The following BBX variants were observed in gnomAD, a reference collection of about 807,000 sequenced individuals.
BBX encodes HMG box transcription factor BBX.
In BBX, 30 loss-of-function variants were observed where a neutral mutation model predicts 100.2. The ratio of observed to expected loss-of-function variants is 0.30; its 90% CI spans 0.22 to 0.41. The LOEUF (loss-of-function observed/expected upper bound fraction) is 0.41, where lower values mean the gene tolerates loss of function less well. Ranked by LOEUF, BBX falls within the 10% of genes least tolerant of loss-of-function variation. BBX has a pLI of 1.00. For missense variants in BBX, 1,023 were observed against 1,129.8 expected, an observed-to-expected ratio of 0.91 and a Z score of 1.35; for synonymous variants, 376 against 388.1, an observed-to-expected ratio of 0.97 and a Z score of 0.37.
intron 2 of BBX, among the ~76,000 whole-genome samples, chr3:107,548,430 G>A (rs2049401167): frequency 6.6e-6 from 1 of 152,156 alleles, no homozygotes. Context: ...AAAAACAGAT[G>A]CAGAAAACAT....
intron 3 of BBX, among the ~76,000 whole-genome samples, chr3:107,686,274 T>C (rs1296618290): frequency 6.6e-6 from 1 of 152,214 alleles, no homozygotes; most frequent in Non-Finnish European, 1.5e-5. Context: ...GTTCTAACAT[T>C]GTACAGTTTT....
intron 3 of BBX, among the ~76,000 whole-genome samples, chr3:107,673,720 C>G (rs923581872): frequency 1.3e-5 from 2 of 151,950 alleles, no homozygotes; most frequent in Non-Finnish European, 2.9e-5. Flanking sequence ...TTAGAAATTT[C>G]TCTTATTCTG....
intron 3 of BBX, among the ~76,000 whole-genome samples, chr3:107,660,813 G>A (rs137898486): frequency 2.0e-5 from 3 of 152,202 alleles, no homozygotes; most frequent in East Asian, 1.9e-4. Context: ...GAGAATACTC[G>A]TGCATACAAA....
At chr3:107,787,812 A>G (rs966716718) in intron 13 of BBX, among the ~76,000 whole-genome samples, 24 of 152,120 alleles carry the variant, frequency 1.6e-4, no homozygotes, top group Non-Finnish European at 3.5e-4. Flanking sequence ...CATCTTGGAG[A>G]AGAACATTTT....
At chr3:107,734,300 G>A (rs2063505212) in intron 7 of BBX, among the ~76,000 whole-genome samples, 1 of 152,136 alleles carries the variant, frequency 6.6e-6, no homozygotes. Flanking sequence ...AGCAAGAAAT[G>A]TATAAATGTG....
chr3:107,724,187 C>T (rs1228353825), intron 5 of BBX, among the ~76,000 whole-genome samples: 2 of 152,138 alleles, frequency 1.3e-5, no homozygotes, highest in African/African-American at 2.4e-5. Context: ...TTTCATGTGT[C>T]TGTTGGCTGC....
intron 4 of BBX, chr3:107,711,160 G>A (rs911932600): frequency 5.3e-5 from 18 of 337,302 alleles, no homozygotes; most frequent in Middle Eastern, 5.2e-4. Context: ...TTAAGAAATC[G>A]TCTCAAGTGT....
rs1305952846 is a variant in BBX, at chr3:107,774,250, G to A, written c.1916-469G>A. Among the ~76,000 whole-genome samples the A allele has an allele frequency of 2.6e-5, 4 of 152,076 alleles. No homozygotes were observed. In the East Asian group the frequency reaches 7.7e-4, roughly 29 times the overall value. Reference sequence around the variant, plus strand: ...TATAAATTCTCTATTTTAAAATATAGCATCTGCCTGGAGGACTACCTTTTG... The same window carrying A: ...TATAAATTCTCTATTTTAAAATATAACATCTGCCTGGAGGACTACCTTTTG... On this transcript the variant is annotated intron_variant, in intron 11 of 17. Transcript: ENST00000325805.
chr3:107,674,489 A>G (rs1438247766), intron 3 of BBX, among the ~76,000 whole-genome samples: 2 of 152,182 alleles, frequency 1.3e-5, no homozygotes, highest in Non-Finnish European at 2.9e-5. Context: ...GGGACTCTGG[A>G]CATTTAGCTG....
chr3:107,685,396 C>G (rs1487368635), intron 3 of BBX, among the ~76,000 whole-genome samples: 1 of 152,178 alleles, frequency 6.6e-6, no homozygotes, highest in Non-Finnish European at 1.5e-5. Flanking sequence ...CAAAGTCACA[C>G]TTGAATAGCC....
intron 2 of BBX, among the ~76,000 whole-genome samples, chr3:107,637,202 CAAAG>C (rs1407335613): frequency 6.6e-6 from 1 of 152,088 alleles, no homozygotes; most frequent in Non-Finnish European, 1.5e-5. Flanking sequence ...TTTAAGAACA[CAAAG>C]AAATATTTTA....
intron 7 of BBX, among the ~76,000 whole-genome samples, chr3:107,735,244 T>TTAAGAGCTTATATGCA (rs1207341864): frequency 8.5e-5 from 13 of 152,084 alleles, no homozygotes; most frequent in Admixed American, 8.5e-4. Context: ...ATAATGAACT[T>TTAAGAGCTTATATGCA]TAAGAGCTTA....
intron 2 of BBX, among the ~76,000 whole-genome samples, chr3:107,548,901 A>G (rs1244841046): frequency 2.0e-5 from 3 of 152,212 alleles, no homozygotes; most frequent in African/African-American, 7.2e-5. Context: ...AGAAAACCAA[A>G]TACCACATTC....
At chr3:107,544,694 A>C (rs901702888) in intron 2 of BBX, among the ~76,000 whole-genome samples, 15 of 151,830 alleles carry the variant, frequency 9.9e-5, no homozygotes, top group African/African-American at 3.6e-4. Context: ...AACATAGCGA[A>C]ACCCCATCTC....
intron 2 of BBX, among the ~76,000 whole-genome samples, chr3:107,582,412 A>G (rs1327278242): frequency 6.6e-6 from 1 of 152,022 alleles, no homozygotes; most frequent in Non-Finnish European, 1.5e-5. Context: ...GATGGAAGTT[A>G]TATCTTTATG....
At chr3:107,595,552 G>A (rs1394301383) in intron 2 of BBX, among the ~76,000 whole-genome samples, 3 of 152,118 alleles carry the variant, frequency 2.0e-5, no homozygotes, top group Admixed American at 6.5e-5. Flanking sequence ...ATAATAATAC[G>A]GACTTGTGTG....
At chr3:107,710,140 A>T (rs753606963) in intron 3 of BBX, among the ~76,000 whole-genome samples, 8 of 152,232 alleles carry the variant, frequency 5.3e-5, no homozygotes, top group South Asian at 2.1e-4. Context: ...ACAACTGGTA[A>T]CATCCTTAAG....
intron 7 of BBX, 26 bp downstream of exon 7, chr3:107,733,049 C>G (rs1220695936): frequency 1.9e-6 from 3 of 1,601,840 alleles, no homozygotes; most frequent in Non-Finnish European, 2.6e-6. Flanking sequence ...TCCGTCTCCA[C>G]TCTGCTCATA....
chr3:107,523,591 C>A lies in BBX; in HGVS notation c.-156+484C>A, dbSNP rs568603805. The A allele has an allele frequency of 2.0e-5, 3 of 152,594 alleles. No homozygotes were observed. In the East Asian group the frequency reaches 5.8e-4, roughly 30 times the overall value. The allele number at this position is 152,594 out of a possible 1,614,324, so 9.5% of individuals were successfully genotyped here. On this transcript the variant is annotated intron_variant, in intron 1 of 17. Transcript: ENST00000325805. ...CGGCCCCAGGAAAACAACAACAGAGCCCTCACGCCGGCGGGCGGCTCGTGG... is the reference window on the plus strand; with the variant it reads ...CGGCCCCAGGAAAACAACAACAGAGACCTCACGCCGGCGGGCGGCTCGTGG...
Sources: allele counts gnomAD v4.1 joint callset (sites outside exome capture counted in the v4.1 genomes callset), GRCh38; gene constraint gnomAD v4.1.1; transcripts MANE v1.5; gene names NCBI Gene and HGNC (gene_info 2026-07-23, HGNC 2026-07-21).